MACROD2: variants seen among roughly 807,000 people sequenced by gnomAD.
The protein encoded by MACROD2 is mono-ADP ribosylhydrolase 2.
In MACROD2, 36 loss-of-function variants were observed where a neutral mutation model predicts 70.4. The observed-to-expected ratio is 0.51, with a 90% CI of 0.39 to 0.68. MACROD2 has a LOEUF of 0.68. Ranked by LOEUF, MACROD2 falls within the 30% of genes least tolerant of loss-of-function variation. MACROD2 has a pLI of 0.00. For synonymous variants in MACROD2, 172 were observed against 178.8 expected (o/e 0.96, Z 0.30); for missense variants, 496 against 538.4 (o/e 0.92, Z 0.78).
intron 6 of MACROD2, among the ~76,000 whole-genome samples, chr20:15,298,669 G>A (rs6043184): frequency 6.6e-6 from 1 of 152,156 alleles, no homozygotes; most frequent in Admixed American, 6.5e-5. Context: ...TTGCATTTTA[G>A]GTGGGGGTCA....
chr20:15,794,755 G>C (rs2063657206), intron 8 of MACROD2, among the ~76,000 whole-genome samples: 1 of 151,478 alleles, frequency 6.6e-6, no homozygotes, highest in Non-Finnish European at 1.5e-5. Flanking sequence ...ATGGCCTCAA[G>C]TTAAGCAGGC....
At chr20:15,661,985 T>C (rs373594730) in intron 8 of MACROD2, among the ~76,000 whole-genome samples, 2 of 152,224 alleles carry the variant, frequency 1.3e-5, no homozygotes, top group East Asian at 3.8e-4. Flanking sequence ...TTTTCTCTTA[T>C]ATCCTCAGGG....
chr20:14,863,942 A>T (rs1355519236), intron 5 of MACROD2, among the ~76,000 whole-genome samples: 1 of 152,066 alleles, frequency 6.6e-6, no homozygotes, highest in African/African-American at 2.4e-5. Flanking sequence ...GAAGTTTGCC[A>T]TATTCTTCCC....
At chr20:15,896,711 C>CAA (rs995577960) in intron 10 of MACROD2, among the ~76,000 whole-genome samples, 1 of 152,026 alleles carries the variant, frequency 6.6e-6, no homozygotes, top group African/African-American at 2.4e-5. Flanking sequence ...AATTAAAAAT[C>CAA]AAACAACTTC....
At chr20:15,706,392 C>G (rs771004486) in intron 8 of MACROD2, among the ~76,000 whole-genome samples, 1 of 152,174 alleles carries the variant, frequency 6.6e-6, no homozygotes, top group Non-Finnish European at 1.5e-5. Flanking sequence ...TGAGGGACTA[C>G]TAAGGTCCTT....
chr20:14,481,133 A>C (rs542140230), intron 3 of MACROD2, among the ~76,000 whole-genome samples: 12 of 152,296 alleles, frequency 7.9e-5, no homozygotes, highest in African/African-American at 2.9e-4. Flanking sequence ...TGCAATAAGC[A>C]TATAAAATCT....
intron 3 of MACROD2, among the ~76,000 whole-genome samples, chr20:14,386,519 A>C (rs1307293412): frequency 6.6e-6 from 1 of 152,220 alleles, no homozygotes; most frequent in Non-Finnish European, 1.5e-5. Flanking sequence ...CCATCCCCTT[A>C]GTCAAAAGTG....
At chr20:14,778,935 G>T (rs1377960249) in intron 5 of MACROD2, among the ~76,000 whole-genome samples, 2 of 152,054 alleles carry the variant, frequency 1.3e-5, no homozygotes, top group African/African-American at 4.8e-5. Context: ...GTAAGAGCTA[G>T]AATAAAAATC....
chr20:15,708,977 G>A (rs902865413), intron 8 of MACROD2, among the ~76,000 whole-genome samples: 5 of 152,090 alleles, frequency 3.3e-5, no homozygotes, highest in African/African-American at 1.2e-4. Context: ...AGTGAGCTAT[G>A]ACTGCACTCC....
chr20:14,992,362 G>A (rs1171924873), intron 5 of MACROD2, among the ~76,000 whole-genome samples: 1 of 152,170 alleles, frequency 6.6e-6, no homozygotes, highest in Non-Finnish European at 1.5e-5. Context: ...TAGTTAAAAT[G>A]CATGTTGTTC....
At position 15,403,179 on chromosome 20, in the gene MACROD2, G is replaced by A. The variant is rs143372321; in HGVS notation, c.541-28226G>A. Among the ~76,000 whole-genome samples the A allele has an allele frequency of 4.0e-3, 615 of 152,168 alleles. 6 individuals carry two copies. The highest frequency in any genetic ancestry group is 0.014 in the African/African-American group (595 of 41,536). On this transcript the variant is annotated intron_variant, in intron 6 of 17. Coordinates refer to ENST00000684519, the MANE Select transcript of MACROD2 (RefSeq NM_001351661.2). ...GACGGGGTTTCACTATGTTGGCCAGGCTGGTCTCAAACTCCTGACCTCAGG... is the reference window on the plus strand; with the variant it reads ...GACGGGGTTTCACTATGTTGGCCAGACTGGTCTCAAACTCCTGACCTCAGG...
chr20:14,925,121 C>T (rs761090408), intron 5 of MACROD2, among the ~76,000 whole-genome samples: 7 of 151,860 alleles, frequency 4.6e-5, no homozygotes, highest in African/African-American at 7.3e-5. Flanking sequence ...CACCAGGGGA[C>T]GATCTCCTGT....
chr20:14,804,877 TTG>T (rs929473471), intron 5 of MACROD2, among the ~76,000 whole-genome samples: 1 of 147,912 alleles, frequency 6.8e-6, no homozygotes, highest in Admixed American at 6.8e-5. Flanking sequence ...GTGTGTGCTT[TTG>T]TGTGTGTGTG....
At chr20:14,858,097 A>G (rs1600730423) in intron 5 of MACROD2, among the ~76,000 whole-genome samples, 2 of 152,292 alleles carry the variant, frequency 1.3e-5, no homozygotes, top group Middle Eastern at 6.8e-3. Context: ...CTGGGATTAC[A>G]GGCGTGAGCC....
At chr20:14,565,152 G>A (rs544129428) in intron 4 of MACROD2, among the ~76,000 whole-genome samples, 12 of 151,950 alleles carry the variant, frequency 7.9e-5, no homozygotes, top group African/African-American at 2.9e-4. Context: ...TGGACATGCA[G>A]AGTGGAATAA....
At chr20:15,494,221 T>G (rs2047266002) in intron 7 of MACROD2, among the ~76,000 whole-genome samples, 1 of 152,344 alleles carries the variant, frequency 6.6e-6, no homozygotes, top group East Asian at 1.9e-4. Flanking sequence ...TTTTACACTT[T>G]CATATACTTC....
chr20:15,029,310 A>G (rs977712648), intron 5 of MACROD2, among the ~76,000 whole-genome samples: 9 of 152,164 alleles, frequency 5.9e-5, no homozygotes, highest in African/African-American at 2.2e-4. Context: ...ATTCTTTTGT[A>G]TTTCTGCAGT....
intron 8 of MACROD2, among the ~76,000 whole-genome samples, chr20:15,784,133 T>G (rs1420457425): frequency 6.6e-6 from 1 of 152,112 alleles, no homozygotes; most frequent in East Asian, 1.9e-4. Context: ...AAAAAAATTA[T>G]AGGGGATTAA....
intron 3 of MACROD2, among the ~76,000 whole-genome samples, chr20:14,314,312 T>A (rs2082594153): frequency 6.6e-6 from 1 of 152,250 alleles, no homozygotes; most frequent in Non-Finnish European, 1.5e-5. Flanking sequence ...AGCATTTGCT[T>A]CTGTAAAATC....
Sources: allele counts gnomAD v4.1 joint callset (sites outside exome capture counted in the v4.1 genomes callset), GRCh38; gene constraint gnomAD v4.1.1; transcripts MANE v1.5; gene names NCBI Gene and HGNC (gene_info 2026-07-23, HGNC 2026-07-21).